MAF: variants seen among roughly 807,000 people sequenced by gnomAD.
MAF encodes transcription factor Maf.
MAF carries 10 observed loss-of-function variants against 22.0 expected under a neutral mutation model. The observed-to-expected ratio is 0.45, with a 90% CI of 0.28 to 0.77. The LOEUF (loss-of-function observed/expected upper bound fraction) is 0.77. MAF is among the 30% of genes least tolerant of loss of function. MAF has a pLI of 0.12. For synonymous variants in MAF, 337 were observed against 255.8 expected (o/e 1.32, Z -3.03); for missense variants, 544 against 548.4 (o/e 0.99, Z 0.08).
chr16:79,380,479 C>T, the MAF span, among the ~76,000 whole-genome samples: 5 of 152,306 alleles, frequency 3.3e-5, no homozygotes, highest in East Asian at 9.7e-4. Context: ...CTTTATTTTA[C>T]AGAGGAAAAG....
chr16:79,575,722 A>G, the MAF span, among the ~76,000 whole-genome samples: 1 of 152,156 alleles, frequency 6.6e-6, no homozygotes, highest in Non-Finnish European at 1.5e-5. Flanking sequence ...TTCATCCCCA[A>G]TTTTTCCCGC....
chr16:79,210,508 T>G, the MAF span, among the ~76,000 whole-genome samples: 1 of 152,120 alleles, frequency 6.6e-6, no homozygotes. Flanking sequence ...TTCCTTAGTG[T>G]TTTCCTTGTG....
At chr16:79,255,808 A>T in the MAF span, among the ~76,000 whole-genome samples, 1 of 152,100 alleles carries the variant, frequency 6.6e-6, no homozygotes, top group East Asian at 1.9e-4. Flanking sequence ...CAGGTTCCTC[A>T]TCTGTGAGTG....
chr16:79,265,361 A>G, the MAF span, among the ~76,000 whole-genome samples: 5 of 152,094 alleles, frequency 3.3e-5, no homozygotes, highest in Non-Finnish European at 7.4e-5. Flanking sequence ...CTCACTCCCC[A>G]ATAGTTGGTT....
chr16:79,470,316 G>A, the MAF span, among the ~76,000 whole-genome samples: 4 of 152,122 alleles, frequency 2.6e-5, no homozygotes. Context: ...CCCTTTCCTG[G>A]CAAAGTTAGG....
the MAF span, among the ~76,000 whole-genome samples, chr16:79,228,582 C>A: frequency 6.6e-6 from 1 of 152,090 alleles, no homozygotes; most frequent in Admixed American, 6.6e-5. Flanking sequence ...CCGGTGTTTC[C>A]TCACTGGCTC....
chr16:79,437,596 C>T, the MAF span, among the ~76,000 whole-genome samples: 2 of 152,022 alleles, frequency 1.3e-5, no homozygotes, highest in Non-Finnish European at 2.9e-5. Flanking sequence ...GCCTGTGTGC[C>T]CCCTCATTTT....
rs144466827 is a variant in MAF, at chr16:79,594,106, T to G, written c.*354A>C. 426 of 307,196 alleles carry G rather than the reference T, an allele frequency of 1.4e-3. No individual in the cohort carries two copies. The highest frequency in any genetic ancestry group is 2.1e-3 in the Non-Finnish European group (338 of 161,776). The allele number at this position is 307,196 out of a possible 1,614,324, so 19.0% of individuals were successfully genotyped here. Reference sequence around the variant, plus strand: ...TTAGAATGTGCATGCCTATATATGATTTTAAAATGCTAATTGTTGCATTCC... The same window carrying G: ...TTAGAATGTGCATGCCTATATATGAGTTTAAAATGCTAATTGTTGCATTCC... On this transcript the variant is annotated 3_prime_UTR_variant, in exon 2 of 2. Coordinates refer to ENST00000326043, the MANE Select transcript of MAF (RefSeq NM_005360.5).
the MAF span, among the ~76,000 whole-genome samples, chr16:79,406,745 G>T: frequency 1.3e-5 from 2 of 152,158 alleles, no homozygotes; most frequent in Non-Finnish European, 2.9e-5. Context: ...TGACCCCAAA[G>T]CCTGTGTTTT....
At chr16:79,259,815 A>T in the MAF span, among the ~76,000 whole-genome samples, 2 of 152,212 alleles carry the variant, frequency 1.3e-5, no homozygotes, top group Non-Finnish European at 2.9e-5. Context: ...GGAATGGCCC[A>T]ATGTACCCAG....
the MAF span, among the ~76,000 whole-genome samples, chr16:79,218,525 C>T: frequency 6.6e-6 from 1 of 152,330 alleles, no homozygotes; most frequent in East Asian, 1.9e-4. Flanking sequence ...ACAATGCTAT[C>T]TGGAAGGGTT....
the MAF span, among the ~76,000 whole-genome samples, chr16:79,392,017 AAGAG>A: frequency 6.7e-6 from 1 of 149,498 alleles, no homozygotes; most frequent in Non-Finnish European, 1.5e-5. Context: ...AGAGTAAGGA[AAGAG>A]AGAGAGGGAA....
At chr16:79,590,225 G>C (rs900449948), downstream of MAF, among the ~76,000 whole-genome samples, 1 of 152,242 alleles carries the variant, frequency 6.6e-6, no homozygotes, top group Admixed American at 6.5e-5. Context: ...GATGATGGGG[G>C]GGCATGGAGG....
chr16:79,300,547 C>G, the MAF span, among the ~76,000 whole-genome samples: 1 of 145,812 alleles, frequency 6.9e-6, no homozygotes, highest in East Asian at 2.0e-4. Context: ...GAGCAAGACT[C>G]CATCTCAAAA....
the MAF span, among the ~76,000 whole-genome samples, chr16:79,424,038 A>T: frequency 5.3e-5 from 8 of 152,342 alleles, no homozygotes; most frequent in African/African-American, 1.9e-4. Context: ...TTCACCCATT[A>T]AGATTATTAC....
the MAF span, among the ~76,000 whole-genome samples, chr16:79,546,230 A>G: frequency 6.6e-6 from 1 of 152,168 alleles, no homozygotes; most frequent in Non-Finnish European, 1.5e-5. Context: ...CTTATAAAAT[A>G]ACCCCAGTCA....
the MAF span, among the ~76,000 whole-genome samples, chr16:79,441,394 A>T: frequency 2.0e-5 from 3 of 152,250 alleles, no homozygotes; most frequent in Non-Finnish European, 2.9e-5. Flanking sequence ...ATAAAGGCTC[A>T]GATAATAAAT....
chr16:79,220,422 G>A, the MAF span, among the ~76,000 whole-genome samples: 3 of 152,010 alleles, frequency 2.0e-5, no homozygotes, highest in Non-Finnish European at 2.9e-5. Context: ...CATGTATCTT[G>A]TAGTTTTCAT....
rs1913840206 is a variant in MAF, at chr16:79,599,367, G to A, written c.536C>T (p.Pro179Leu). The change falls in exon 1 of 2, where the codon CCG becomes CTG. Residue 179 changes from proline to leucine, a missense_variant. Physicochemically the swap from Pro to Leu is moderately conservative, Grantham distance 98 (BLOSUM62 -3). Around this residue, in one of 5 missense-constraint regions of MAF, gnomAD observed 342 missense variants for 315.5 expected, o/e 1.08. Transcript: ENST00000326043. ...AAAAAQSGAG[P>L]HYHHHHHHAA... is the part of the protein sequence containing the mutation. ...GTGGTGGTGGTGGTGGTGGTAGTGC[G>A]GGCCCGCGCCGCTCTGCGCGGCGGC... The A allele has an allele frequency of 7.0e-6, 7 of 997,502 alleles. No individual in the cohort carries two copies. Among genetic ancestry groups the A allele is most frequent in the Non-Finnish European group, 8.3e-6 (7 of 839,798 alleles). 61.8% of individuals were successfully genotyped at this position (997,502 alleles called of 1,614,324 possible).
Sources: allele counts gnomAD v4.1 joint callset (sites outside exome capture counted in the v4.1 genomes callset), GRCh38; gene constraint gnomAD v4.1.1; regional missense constraint gnomAD v4.1.1; transcripts MANE v1.5; gene names NCBI Gene and HGNC (gene_info 2026-07-23, HGNC 2026-07-21).